L3MBTL2: variants seen among roughly 807,000 people sequenced by gnomAD.
The protein encoded by L3MBTL2 is L3MBTL histone methyl-lysine binding protein 2, also known as lethal(3)malignant brain tumor-like protein 2.
A neutral mutation model predicts 86.4 loss-of-function variants in L3MBTL2; 49 were observed. The ratio of observed to expected loss-of-function variants is 0.57; its 90% CI spans 0.45 to 0.72. The LOEUF (loss-of-function observed/expected upper bound fraction) is 0.72, where lower values mean the gene tolerates loss of function less well. Among genes scored for constraint, L3MBTL2 ranks in the 30% least tolerant of loss-of-function variants. The pLI, the probability that L3MBTL2 is intolerant of heterozygous loss-of-function variation, is 0.00. For synonymous variants in L3MBTL2, 336 were observed against 350.6 expected (o/e 0.96, Z 0.47); for missense variants, 755 against 923.7 (o/e 0.82, Z 2.37).
intron 2 of L3MBTL2, among the ~76,000 whole-genome samples, chr22:41,211,823 C>A (rs1439495257): frequency 3.6e-5 from 5 of 138,360 alleles, no homozygotes. Context: ...TCCAAAAATG[C>A]TGGGATTACA....
At chr22:41,213,709 C>T (rs2031107594) in intron 2 of L3MBTL2, 184 bp from the exon 3 acceptor site, 2 of 611,492 alleles carry the variant, frequency 3.3e-6, no homozygotes, top group African/African-American at 3.7e-5. Flanking sequence ...AGCAGCAGCA[C>T]TTCATTCAGG....
At position 41,225,230 on chromosome 22, in the gene L3MBTL2, C is replaced by T. The variant is rs2032098583; in HGVS notation, c.1356+159C>T. Among the ~76,000 whole-genome samples, 1 of 152,230 alleles carries T rather than the reference C, an allele frequency of 6.6e-6. No individual in the cohort carries two copies. Among genetic ancestry groups the T allele is most frequent in the Non-Finnish European group, 1.5e-5 (1 of 68,036 alleles). On this transcript the variant is annotated intron_variant, in intron 11 of 16. Transcript: ENST00000216237. This position sits in a 1 kb window ranked among gnomAD's most constrained non-coding sequence, Gnocchi z 4.1. Reference sequence around the variant, plus strand: ...CCTGACTTTTGTGAGTGGGGCCTGGCCTGCCCCTTGCTCAGAATCTGCTTT... The same window carrying T: ...CCTGACTTTTGTGAGTGGGGCCTGGTCTGCCCCTTGCTCAGAATCTGCTTT...
In L3MBTL2 at chr22:41,226,770, G is replaced by A. The variant is rs374332584; in HGVS notation, c.1587+26G>A. 6 of 1,528,080 alleles carry A rather than the reference G, an allele frequency of 3.9e-6. No homozygotes were observed. The African/African-American group carries it at 4.1e-5, about 10-fold the overall frequency. The allele number at this position is 1,528,080 out of a possible 1,614,324, so 94.7% of individuals were successfully genotyped here. A position where few individuals can be genotyped will look rare whatever the true frequency, so the allele number is the denominator to read the frequency against. ...GTGAGGAGACTGAAGTGGAGCAAGGGGCCTGCGGTGGCCTCAGGACAGGCC... is the reference window on the plus strand; with the variant it reads ...GTGAGGAGACTGAAGTGGAGCAAGGAGCCTGCGGTGGCCTCAGGACAGGCC... On this transcript the variant is annotated intron_variant, in intron 13 of 16. Coordinates refer to ENST00000216237, the MANE Select transcript of L3MBTL2 (RefSeq NM_031488.5).
chr22:41,217,125 C>T lies in L3MBTL2; in HGVS notation c.523C>T (p.Leu175=), dbSNP rs748231394. The change falls in exon 5 of 17, where the codon CTG becomes TTG. Residue 175 remains leucine, a splice_region_variant and synonymous_variant. Transcript: ENST00000216237. ...GACTCGTCCTCTCTGCTCTGCAGCT[C>T]TGGTCTTGGGCTTCGACTGGGGGAA... ...ADGTPTGQDA[L]VLGFDWGKFL... 5.0e-6 allele frequency: 8 copies of T among 1,613,754 alleles called. No homozygotes were observed. The highest frequency in any genetic ancestry group is 1.1e-5 in the South Asian group (1 of 91,078).
chr22:41,212,895 C>CA (rs35911149), intron 2 of L3MBTL2, among the ~76,000 whole-genome samples: 135 of 135,264 alleles, frequency 1.0e-3, no homozygotes, highest in East Asian at 1.2e-3. Flanking sequence ...AACTCCATCT[C>CA]AAAAAAAAAA....
intron 7 of L3MBTL2, 105 bp downstream of exon 7, chr22:41,220,973 A>G: frequency 7.4e-7 from 1 of 1,342,684 alleles, no homozygotes; most frequent in Non-Finnish European, 1.0e-6. Flanking sequence ...TCTTGTTAGA[A>G]CAGAATCCAC....
chr22:41,229,204 C>G (rs757839774), intron 15 of L3MBTL2, among the ~76,000 whole-genome samples: 4 of 152,206 alleles, frequency 2.6e-5, no homozygotes, highest in Non-Finnish European at 5.9e-5. Context: ...CTGCAGTGAA[C>G]TGTGATCACC....
intron 2 of L3MBTL2, among the ~76,000 whole-genome samples, chr22:41,212,834 G>A (rs2031004686): frequency 6.6e-6 from 1 of 150,730 alleles, no homozygotes; most frequent in South Asian, 2.1e-4. Context: ...GTCGAAGGTT[G>A]CAATGAGCCA....
rs1251511940 is a variant in L3MBTL2, at chr22:41,221,276, T to G, written c.931T>G (p.Phe311Val). ...LVGSRTLPVD[F>V]HIKMVESMKY... ...GGGCTCCAGGACGCTTCCCGTGGAT[T>G]TCCACATCAAGGTCGGCAGTGAGCC... Residue 311 changes from phenylalanine to valine, a missense_variant, in exon 8 of 17, where the codon TTC (phenylalanine) becomes GTC (valine). Phe to Val is a conservative substitution (Grantham distance 50). This residue lies in a region of L3MBTL2 where 634 missense variants were observed against 748.9 expected (regional missense o/e 0.85). Coordinates refer to ENST00000216237, the MANE Select transcript of L3MBTL2 (RefSeq NM_031488.5). 2 of 1,551,522 alleles carry G rather than the reference T, an allele frequency of 1.3e-6. No homozygotes were observed. Among genetic ancestry groups the G allele is most frequent in the African/African-American group, 1.4e-5 (1 of 73,066 alleles).
At chr22:41,220,896 TG>T in intron 7 of L3MBTL2, 28 bp downstream of exon 7, 1 of 1,601,786 alleles carries the variant, frequency 6.2e-7, no homozygotes, top group African/African-American at 1.3e-5. Flanking sequence ...TTTCCTCTCT[TG>T]TTCCCGTAGG....
At position 41,229,807 on chromosome 22, in the gene L3MBTL2, G is replaced by T. The variant is rs146138408; in HGVS notation, c.2005+151G>T. 275 of 1,334,660 alleles carry T rather than the reference G, an allele frequency of 2.1e-4. 1 individual carries two copies. In the East Asian group the frequency reaches 6.8e-3, roughly 33 times the overall value. 82.7% of individuals were successfully genotyped at this position (1,334,660 alleles called of 1,614,324 possible). A position where few individuals can be genotyped will look rare whatever the true frequency, so the allele number is the denominator to read the frequency against. On this transcript the variant is annotated intron_variant, in intron 16 of 16. Coordinates refer to ENST00000216237, the MANE Select transcript of L3MBTL2 (RefSeq NM_031488.5). ...GCAGTCCTGTACCACTGGACCCAGG[G>T]TGTTTCCCAGACACGCCCCCAACTG... is the stretch of plus-strand genomic sequence containing the variant.
At chr22:41,216,762 AC>A (rs1446784594) in intron 4 of L3MBTL2, among the ~76,000 whole-genome samples, 2 of 151,908 alleles carry the variant, frequency 1.3e-5, no homozygotes, top group South Asian at 2.1e-4. Flanking sequence ...GTGTGTGCGC[AC>A]CCCCTCCCCC....
In L3MBTL2 at chr22:41,211,847, G is replaced by A. The variant is rs371362767; in HGVS notation, c.262+1914G>A. ...GCTGGGATTACAGGCGTGAGCCACC[G>A]CACCCGGCCTTTTTTTTTTTTTTTT... On this transcript the variant is annotated intron_variant, in intron 2 of 16. Transcript: ENST00000216237. Among the ~76,000 whole-genome samples the A allele has an allele frequency of 9.8e-4, 127 of 129,336 alleles. 3 individuals carry two copies. Among genetic ancestry groups the A allele is most frequent in the African/African-American group, 3.5e-3 (117 of 33,900 alleles). 84.8% of individuals were successfully genotyped at this position (129,336 alleles called of 152,430 possible). A position where few individuals can be genotyped will look rare whatever the true frequency, so the allele number is the denominator to read the frequency against.
In L3MBTL2 at chr22:41,229,647, C is replaced by G. The variant is rs2032442480; in HGVS notation, c.1996C>G (p.Pro666Ala). 2 of 1,613,564 alleles carry G rather than the reference C, an allele frequency of 1.2e-6. No individual in the cohort carries two copies. Among genetic ancestry groups the G allele is most frequent in the Non-Finnish European group, 1.7e-6 (2 of 1,180,024 alleles). ...GARKISSEPVPGEIIAVRVKE... is the reference protein window; with the variant it reads ...GARKISSEPVAGEIIAVRVKE... ...CAGGAAGATCTCGTCGGAGCCTGTTCCTGGCGAGAGTAAGAGCCACCGGGC... is the reference window on the plus strand; with the variant it reads ...CAGGAAGATCTCGTCGGAGCCTGTTGCTGGCGAGAGTAAGAGCCACCGGGC... Residue 666 changes from proline (P) to alanine (A), a missense_variant, in exon 16 of 17, where the codon CCT becomes GCT. Pro to Ala is a conservative substitution (Grantham distance 27). Around this residue, in one of 3 missense-constraint regions of L3MBTL2, gnomAD observed 634 missense variants for 748.9 expected, o/e 0.85. Transcript: ENST00000216237.
intron 3 of L3MBTL2, 142 bp downstream of exon 3, chr22:41,214,168 G>C (rs139452): frequency 0.36 from 282,220 of 779,022 alleles, 52,014 homozygotes; most frequent in African/African-American, 0.46. Flanking sequence ...TCAAACTTCA[G>C]AGGACAGTAG....
chr22:41,223,751 G>A (rs906478613), intron 8 of L3MBTL2, among the ~76,000 whole-genome samples: 6 of 152,216 alleles, frequency 3.9e-5, no homozygotes, highest in African/African-American at 9.6e-5. Context: ...ACTCATTGGC[G>A]TTTTGGTGGC....
At position 41,219,466 on chromosome 22, in the gene L3MBTL2, G is replaced by A. The variant is rs2031657104; in HGVS notation, c.648G>A (p.Val216=). ...AGGATGTGATGAAAGGGATGAAGGTGGAGGTGCTCAACAGTGATGCTGTGC... is the reference window on the plus strand; with the variant it reads ...AGGATGTGATGAAAGGGATGAAGGTAGAGGTGCTCAACAGTGATGCTGTGC... The part of the protein sequence containing the change: ...QWEDVMKGMK[V]EVLNSDAVLP... Residue 216 remains valine (V), a synonymous_variant, in exon 6 of 17, where the codon GTG becomes GTA. Transcript: ENST00000216237. The A allele has an allele frequency of 6.2e-7, 1 of 1,613,984 alleles. No individual in the cohort carries two copies. Among genetic ancestry groups the A allele is most frequent in the Non-Finnish European group, 8.5e-7 (1 of 1,179,898 alleles).
chr22:41,219,344 G>A, intron 5 of L3MBTL2, 75 bp from the exon 6 acceptor site: 1 of 1,086,866 alleles, frequency 9.2e-7, no homozygotes, highest in Non-Finnish European at 1.4e-6. Flanking sequence ...GGACTTGACT[G>A]AGGCCGTGAG....
intron 8 of L3MBTL2, among the ~76,000 whole-genome samples, chr22:41,223,608 GC>G (rs1385818901): frequency 6.6e-6 from 1 of 152,244 alleles, no homozygotes; most frequent in Non-Finnish European, 1.5e-5. Context: ...AGAGTGCAGA[GC>G]CCATGAGGAG....
Sources: gnomAD v4.1 joint callset for allele counts (sites outside exome capture counted in the v4.1 genomes callset) on GRCh38, gnomAD v4.1.1 for gene constraint, gnomAD v4.1.1 regional missense constraint, Gnocchi (gnomAD v3.1) non-coding constraint, MANE v1.5 for transcripts, NCBI Gene and HGNC (gene_info 2026-07-23, HGNC 2026-07-21) for gene names.